COL24A1: variants seen among roughly 807,000 people sequenced by gnomAD.
COL24A1 encodes the protein collagen alpha-1(XXIV) chain.
COL24A1 carries 224 observed loss-of-function variants against 253.9 expected under a neutral mutation model. The observed-to-expected ratio is 0.88, with a 90% CI of 0.79 to 0.99. The LOEUF (loss-of-function observed/expected upper bound fraction) is 0.99. Among genes scored for constraint, COL24A1 ranks in the 50% least tolerant of loss-of-function variants. COL24A1 has a pLI of 0.00. For missense variants in COL24A1, 2,131 were observed against 2,068.5 expected (o/e 1.03, Z -0.59); for synonymous variants, 685 against 673.7 (o/e 1.02, Z -0.26).
At chr1:86,142,534 C>CAAAAAAAAAAAAAAA (rs1557804752) in intron 2 of COL24A1, among the ~76,000 whole-genome samples, 1 of 128,936 alleles carries the variant, frequency 7.8e-6, no homozygotes, top group Non-Finnish European at 1.7e-5. Flanking sequence ...AAAAAAAAAA[C>CAAAAAAAAAAAAAAA]AAAAAACAAA....
chr1:85,861,128 A>C (rs1255026220), intron 37 of COL24A1, among the ~76,000 whole-genome samples: 1 of 152,180 alleles, frequency 6.6e-6, no homozygotes, highest in Non-Finnish European at 1.5e-5. Flanking sequence ...GCAATGTATA[A>C]GGGTTCCAAT....
At position 85,908,581 on chromosome 1, in the gene COL24A1, G is replaced by T. The variant is rs755250736; in HGVS notation, c.2724+17C>A. 14 of 1,377,772 alleles carry T rather than the reference G, an allele frequency of 1.0e-5. No individual in the cohort carries two copies. Among genetic ancestry groups the T allele is most frequent in the Admixed American group, 4.8e-5 (2 of 41,850 alleles). 85.3% of individuals were successfully genotyped at this position (1,377,772 alleles called of 1,614,324 possible). Reference sequence around the variant, plus strand: ...TAAACATTCCGGAAGGAATCATAAAGTCTTTCCTGTACTTACAGGTAATCC... The same window carrying T: ...TAAACATTCCGGAAGGAATCATAAATTCTTTCCTGTACTTACAGGTAATCC... On this transcript the variant is annotated intron_variant, in intron 27 of 59. Transcript: ENST00000370571.
At chr1:85,802,600 GAAGT>G (rs1342872386) in intron 47 of COL24A1, among the ~76,000 whole-genome samples, 1 of 151,886 alleles carries the variant, frequency 6.6e-6, no homozygotes, top group East Asian at 1.9e-4. Flanking sequence ...TAATTGACAC[GAAGT>G]AAATTTCAAA....
At chr1:85,773,915 G>A (rs549812870) in intron 53 of COL24A1, among the ~76,000 whole-genome samples, 16 of 152,276 alleles carry the variant, frequency 1.1e-4, no homozygotes, top group Admixed American at 9.8e-4. Flanking sequence ...ATGTTGACTA[G>A]GAGTGGTGAG....
At chr1:85,824,972 T>G (rs1380613373) in intron 43 of COL24A1, among the ~76,000 whole-genome samples, 4 of 151,440 alleles carry the variant, frequency 2.6e-5, no homozygotes, top group Admixed American at 2.6e-4. Flanking sequence ...GTGCACAATG[T>G]GCAGGTTAGT....
At chr1:85,862,653 G>C (rs1035384714) in intron 37 of COL24A1, among the ~76,000 whole-genome samples, 1 of 152,184 alleles carries the variant, frequency 6.6e-6, no homozygotes, top group Non-Finnish European at 1.5e-5. Context: ...ACAGTGGTCA[G>C]TGCAGGGCTT....
intron 19 of COL24A1, among the ~76,000 whole-genome samples, chr1:85,996,272 T>C (rs141844148): frequency 6.6e-6 from 1 of 152,314 alleles, no homozygotes; most frequent in Non-Finnish European, 1.5e-5. Flanking sequence ...AGATTTTGAA[T>C]TGTTTGAAGG....
chr1:86,118,204 A>T (rs983150432), intron 3 of COL24A1, among the ~76,000 whole-genome samples: 2 of 152,004 alleles, frequency 1.3e-5, no homozygotes, highest in African/African-American at 4.8e-5. Flanking sequence ...CTGGGATTAC[A>T]GGTGCGTGCC....
At chr1:86,074,540 CAGATCAATGAGACAG>C (rs1469323402) in intron 7 of COL24A1, among the ~76,000 whole-genome samples, 1 of 152,252 alleles carries the variant, frequency 6.6e-6, no homozygotes, top group East Asian at 1.9e-4. Context: ...CAATATTAGA[CAGATCAATGAGACAG>C]AAAATTAATA....
At chr1:85,791,038 A>C (rs1670218001) in intron 47 of COL24A1, among the ~76,000 whole-genome samples, 1 of 152,196 alleles carries the variant, frequency 6.6e-6, no homozygotes, top group Non-Finnish European at 1.5e-5. Flanking sequence ...TTGATGACTT[A>C]ATTAAATCAC....
At chr1:85,994,303 T>C (rs1694562286) in intron 19 of COL24A1, among the ~76,000 whole-genome samples, 1 of 151,886 alleles carries the variant, frequency 6.6e-6, no homozygotes, top group South Asian at 2.1e-4. Context: ...TTATTGAATA[T>C]ATAGTTTATA....
At chr1:85,975,753 A>G (rs1042375073) in intron 20 of COL24A1, among the ~76,000 whole-genome samples, 15 of 152,308 alleles carry the variant, frequency 9.8e-5, no homozygotes, top group African/African-American at 3.6e-4. Flanking sequence ...CAGAAATGGC[A>G]TGCTGCTACA....
intron 24 of COL24A1, among the ~76,000 whole-genome samples, chr1:85,958,967 T>C (rs6665006): frequency 0.2 from 30,292 of 152,040 alleles, 3,376 homozygotes; most frequent in Non-Finnish European, 0.24. Context: ...CTATCACAAA[T>C]TGAATTCTAA....
chr1:85,813,641 C>T (rs1672786884), intron 47 of COL24A1, among the ~76,000 whole-genome samples: 1 of 144,872 alleles, frequency 6.9e-6, no homozygotes, highest in Non-Finnish European at 1.5e-5. Flanking sequence ...AGCTCCGCCT[C>T]CCGGGTTCAC....
intron 39 of COL24A1, among the ~76,000 whole-genome samples, chr1:85,843,552 C>T (rs1676850654): frequency 6.6e-6 from 1 of 152,072 alleles, no homozygotes; most frequent in Non-Finnish European, 1.5e-5. Context: ...TAAACATCAT[C>T]AGTGGACCAA....
intron 5 of COL24A1, among the ~76,000 whole-genome samples, chr1:86,110,703 G>A (rs1349498341): frequency 1.3e-5 from 2 of 152,116 alleles, no homozygotes; most frequent in Admixed American, 6.5e-5. Context: ...GCTACAGAGG[G>A]TGCGCTGGGT....
chr1:85,942,047 CTTGT>C (rs1203896737), intron 24 of COL24A1, among the ~76,000 whole-genome samples: 1 of 152,020 alleles, frequency 6.6e-6, no homozygotes, highest in Non-Finnish European at 1.5e-5. Flanking sequence ...AAAGTATTTA[CTTGT>C]TTAAGTTATG....
chr1:86,025,826 T>C (rs563643613), intron 14 of COL24A1, among the ~76,000 whole-genome samples: 4 of 152,216 alleles, frequency 2.6e-5, no homozygotes, highest in Admixed American at 1.3e-4. Flanking sequence ...TTCTGTGTAT[T>C]TGAACACAGC....
At chr1:86,042,770 C>T (rs1434438915) in intron 12 of COL24A1, among the ~76,000 whole-genome samples, 4 of 152,056 alleles carry the variant, frequency 2.6e-5, no homozygotes, top group Non-Finnish European at 5.9e-5. Context: ...AGTATGAGCA[C>T]GTGATTTATA....
Sources: allele counts gnomAD v4.1 joint callset (sites outside exome capture counted in the v4.1 genomes callset), GRCh38; gene constraint gnomAD v4.1.1; transcripts MANE v1.5; gene names NCBI Gene and HGNC (gene_info 2026-07-23, HGNC 2026-07-21).